Variants in RARB observed in about 807,000 individuals in gnomAD.
The protein encoded by RARB is retinoic acid receptor beta, also known as HBV-activated protein.
A neutral mutation model predicts 51.9 loss-of-function variants in RARB; 17 were observed. That is an observed-to-expected ratio of 0.33 (90% CI 0.22 to 0.49). RARB has a LOEUF of 0.49. Ranked by LOEUF, RARB falls within the 20% of genes least tolerant of loss-of-function variation. The probability of loss-of-function intolerance (pLI) is 0.99; values close to 1 mark genes in which losing one functional copy is unlikely to be tolerated. For missense variants in RARB, 369 were observed against 550.8 expected (o/e 0.67, Z 3.30); for synonymous variants, 215 against 195.4 (o/e 1.10, Z -0.84).
chr3:25,255,490 T>A (rs1702842580), intron 5 of RARB, among the ~76,000 whole-genome samples: 1 of 152,144 alleles, frequency 6.6e-6, no homozygotes, highest in Non-Finnish European at 1.5e-5. Flanking sequence ...ACAATTGAGC[T>A]TCGAGTTTGA....
intron 1 of RARB, among the ~76,000 whole-genome samples, chr3:25,448,129 G>A (rs1446889640): frequency 1.3e-5 from 2 of 151,924 alleles, no homozygotes; most frequent in African/African-American, 2.4e-5. Context: ...CCAGTAAGTA[G>A]GAGAGTGAGG....
intron 5 of RARB, among the ~76,000 whole-genome samples, chr3:25,203,928 AG>A (rs764145829): frequency 3.3e-5 from 5 of 151,948 alleles, no homozygotes; most frequent in Non-Finnish European, 7.4e-5. Flanking sequence ...CTTCTTGAGG[AG>A]TATCTTTGGG....
intron 2 of RARB, among the ~76,000 whole-genome samples, chr3:25,018,056 G>T (rs1697553657): frequency 6.6e-6 from 1 of 152,164 alleles, no homozygotes; most frequent in Non-Finnish European, 1.5e-5. Flanking sequence ...AAGTAAATTT[G>T]TTATTTATAA....
chr3:24,933,945 T>C (rs1695495003), intron 2 of RARB, among the ~76,000 whole-genome samples: 1 of 152,154 alleles, frequency 6.6e-6, no homozygotes, highest in African/African-American at 2.4e-5. Flanking sequence ...TAATCAACTG[T>C]ATACATTCTA....
chr3:25,106,183 T>C (rs1257379987), intron 3 of RARB, among the ~76,000 whole-genome samples: 1 of 150,124 alleles, frequency 6.7e-6, no homozygotes, highest in African/African-American at 2.5e-5. Flanking sequence ...CTGTATTGTA[T>C]CAAGCCTAAA....
At chr3:25,072,718 T>TTA (rs1163731877) in intron 3 of RARB, among the ~76,000 whole-genome samples, 3 of 150,952 alleles carry the variant, frequency 2.0e-5, no homozygotes, top group Non-Finnish European at 3.0e-5. Context: ...TTTTATTTAT[T>TTA]TTTTTTTTGA....
chr3:25,361,021 G>T (rs1452431920), intron 5 of RARB, among the ~76,000 whole-genome samples: 1 of 152,126 alleles, frequency 6.6e-6, no homozygotes, highest in African/African-American at 2.4e-5. Flanking sequence ...TTGAATGTTG[G>T]CCTACCTTGC....
At chr3:25,069,525 C>T (rs1698727871) in intron 3 of RARB, among the ~76,000 whole-genome samples, 1 of 152,152 alleles carries the variant, frequency 6.6e-6, no homozygotes. Flanking sequence ...CAAGAGAACT[C>T]TGGAAACTTC....
At chr3:25,518,807 A>C (rs73048038) in intron 3 of RARB, among the ~76,000 whole-genome samples, 1 of 152,190 alleles carries the variant, frequency 6.6e-6, no homozygotes, top group African/African-American at 2.4e-5. Flanking sequence ...TATAACTTAC[A>C]TATCTTAATG....
intron 1 of RARB, among the ~76,000 whole-genome samples, chr3:24,847,482 G>C (rs1318362083): frequency 2.0e-5 from 3 of 152,206 alleles, no homozygotes; most frequent in Non-Finnish European, 4.4e-5. Flanking sequence ...AAAACCAGAT[G>C]TGACTCCAAA....
intron 2 of RARB, among the ~76,000 whole-genome samples, chr3:25,016,024 G>C (rs1310745894): frequency 6.6e-6 from 1 of 152,132 alleles, no homozygotes; most frequent in Admixed American, 6.6e-5. Flanking sequence ...GATTTCATAA[G>C]GTCTTCAGGT....
At chr3:24,843,025 C>CCAT (rs894095666) in intron 1 of RARB, among the ~76,000 whole-genome samples, 1 of 152,208 alleles carries the variant, frequency 6.6e-6, no homozygotes, top group Non-Finnish European at 1.5e-5. Flanking sequence ...TGACAGAAAT[C>CCAT]CATCACCTTC....
chr3:24,991,467 AAAAAG>A (rs1696909544), intron 2 of RARB, among the ~76,000 whole-genome samples: 2 of 151,882 alleles, frequency 1.3e-5, no homozygotes, highest in South Asian at 4.1e-4. Flanking sequence ...AAAGAAAAAG[AAAAAG>A]AAAAAAATTA....
At chr3:25,197,093 T>C (rs909393035) in intron 5 of RARB, among the ~76,000 whole-genome samples, 7 of 152,202 alleles carry the variant, frequency 4.6e-5, no homozygotes, top group Admixed American at 3.9e-4. Context: ...TTGTCTGTTT[T>C]GGCTTTTGTT....
intron 2 of RARB, among the ~76,000 whole-genome samples, chr3:25,023,408 G>T (rs866590142): frequency 6.6e-6 from 1 of 152,134 alleles, no homozygotes; most frequent in Non-Finnish European, 1.5e-5. Flanking sequence ...AGGTTAAGAC[G>T]AATGTTGGCT....
In RARB at chr3:25,386,364, G is replaced by A. The variant is rs6800388; in HGVS notation, c.179-74829G>A. Among the ~76,000 whole-genome samples the A allele has an allele frequency of 5.7e-3, 873 of 152,320 alleles. 14 individuals carry two copies. The highest frequency in any genetic ancestry group is 0.02 in the African/African-American group (833 of 41,578). ...GGAAAGGTTAACAGGAGCTAGCATG[G>A]GAGGGCCTTGTAAGTCTATGTCAAG... On this transcript the variant is annotated intron_variant, in intron 5 of 11. Transcript: ENST00000383772.
chr3:25,513,884 TA>T (rs1264127272), intron 3 of RARB, among the ~76,000 whole-genome samples: 1 of 152,220 alleles, frequency 6.6e-6, no homozygotes, highest in Non-Finnish European at 1.5e-5. Context: ...CCTTACATTC[TA>T]AACTGGAAAT....
chr3:24,946,244 A>G (rs544415247), intron 2 of RARB, among the ~76,000 whole-genome samples: 3 of 132,266 alleles, frequency 2.3e-5, no homozygotes. Flanking sequence ...AGCCTGGGGG[A>G]CAAAATGAGA....
At chr3:25,200,887 C>G (rs1171701889) in intron 5 of RARB, among the ~76,000 whole-genome samples, 1 of 152,158 alleles carries the variant, frequency 6.6e-6, no homozygotes, top group African/African-American at 2.4e-5. Context: ...ATACCTCCAG[C>G]TTTGTTCTTT....
Sources: gnomAD v4.1 joint callset for allele counts (sites outside exome capture counted in the v4.1 genomes callset) on GRCh38, gnomAD v4.1.1 for gene constraint, MANE v1.5 for transcripts, NCBI Gene and HGNC (gene_info 2026-07-23, HGNC 2026-07-21) for gene names.